The following THEMIS variants were observed in gnomAD, a reference collection of about 807,000 sequenced individuals.
The protein encoded by THEMIS is protein THEMIS.
Under a neutral mutation model 52.6 loss-of-function variants are expected in THEMIS, and 37 were observed. The ratio of observed to expected loss-of-function variants is 0.70; its 90% CI spans 0.54 to 0.93. THEMIS has a LOEUF of 0.93. THEMIS is among the 40% of genes least tolerant of loss of function. The probability of loss-of-function intolerance (pLI) is 0.00; values close to 1 mark genes in which losing one functional copy is unlikely to be tolerated. For synonymous variants in THEMIS, 292 were observed against 272.7 expected (o/e 1.07, Z -0.70); for missense variants, 808 against 763.1 (o/e 1.06, Z -0.69).
At chr6:127,725,450 C>CTG (rs1464344584) in intron 4 of THEMIS, among the ~76,000 whole-genome samples, 9 of 148,710 alleles carry the variant, frequency 6.1e-5, no homozygotes, top group African/African-American at 2.3e-4. Context: ...GTGTGTGTGT[C>CTG]TGTGTGTGTG....
At chr6:127,765,346 A>G (rs1259331989) in intron 4 of THEMIS, among the ~76,000 whole-genome samples, 8 of 152,116 alleles carry the variant, frequency 5.3e-5, no homozygotes, top group Non-Finnish European at 1.0e-4. Flanking sequence ...AGAGAGAACA[A>G]TAAAAGCCCA....
intron 2 of THEMIS, among the ~76,000 whole-genome samples, chr6:127,833,635 C>T (rs1778775309): frequency 6.6e-6 from 1 of 152,116 alleles, no homozygotes; most frequent in African/African-American, 2.4e-5. Context: ...ATCAGCCTTC[C>T]CCAGATGCCA....
chr6:127,778,825 A>G (rs908505465), intron 4 of THEMIS, among the ~76,000 whole-genome samples: 8 of 139,094 alleles, frequency 5.8e-5, no homozygotes, highest in Admixed American at 5.7e-4. Context: ...AAGTCACTCA[A>G]GTGGAATTTT....
At chr6:127,759,372 T>A (rs1163078954) in intron 4 of THEMIS, among the ~76,000 whole-genome samples, 1 of 152,176 alleles carries the variant, frequency 6.6e-6, no homozygotes, top group Admixed American at 6.5e-5. Context: ...TCTTCCCTAA[T>A]CACTGGACTC....
intron 5 of THEMIS, 68 bp from the exon 6 acceptor site, chr6:127,710,084 C>G: frequency 9.1e-7 from 1 of 1,102,582 alleles, no homozygotes; most frequent in South Asian, 1.5e-5. Flanking sequence ...AAACTGCCTG[C>G]TTTCAAATAC....
In THEMIS at chr6:127,854,962, G is replaced by T. The variant is rs1779567318; in HGVS notation, c.250+68C>A. The T allele has an allele frequency of 1.1e-5, 14 of 1,304,550 alleles. No homozygotes were observed. In the South Asian group the frequency reaches 2.4e-4, roughly 23 times the overall value. 80.8% of individuals were successfully genotyped at this position (1,304,550 alleles called of 1,614,324 possible). On this transcript the variant is annotated intron_variant, in intron 2 of 5. Coordinates refer to ENST00000368248, the MANE Select transcript of THEMIS (RefSeq NM_001010923.3). ...ACAGACCATTTTTTTCTTGTTTTTG[G>T]TTGTGTATATATACATATTAATAAC...
the THEMIS span, among the ~76,000 whole-genome samples, chr6:127,699,174 T>A: frequency 6.6e-6 from 1 of 151,892 alleles, no homozygotes. Context: ...GGAGGGGATG[T>A]CTTAAAAGTG....
At chr6:127,848,089 GC>G (rs1400871899) in intron 2 of THEMIS, among the ~76,000 whole-genome samples, 1 of 91,916 alleles carries the variant, frequency 1.1e-5, no homozygotes, top group African/African-American at 4.3e-5. Context: ...CCCACAACAG[GC>G]CCCGGTGTGT....
At chr6:127,903,557 G>GATACATTTTAAAATTAAATTTAA (rs1315413395), upstream of THEMIS, among the ~76,000 whole-genome samples, 16 of 151,844 alleles carry the variant, frequency 1.1e-4, no homozygotes, top group Non-Finnish European at 2.1e-4. Flanking sequence ...ATTAAAGTTA[G>GATACATTTTAAAATTAAATTTAA]ATACATTTTA....
At chr6:127,784,569 G>A (rs1239412245) in intron 4 of THEMIS, among the ~76,000 whole-genome samples, 4 of 151,978 alleles carry the variant, frequency 2.6e-5, no homozygotes, top group East Asian at 1.9e-4. Context: ...ATTCATACAC[G>A]ACACAAAGCA....
chr6:127,904,188 G>A (rs1473075089), upstream of THEMIS, among the ~76,000 whole-genome samples: 1 of 152,082 alleles, frequency 6.6e-6, no homozygotes, highest in African/African-American at 2.4e-5. Flanking sequence ...GGAAAAGTCA[G>A]AGAAAGGTAT....
intron 4 of THEMIS, among the ~76,000 whole-genome samples, chr6:127,763,444 G>A (rs1003138219): frequency 1.3e-5 from 2 of 151,908 alleles, no homozygotes; most frequent in Non-Finnish European, 2.9e-5. Flanking sequence ...TTTGAGACAG[G>A]TGTTTCTGCC....
chr6:127,716,192 CA>C (rs1774152923), intron 5 of THEMIS, among the ~76,000 whole-genome samples: 1 of 151,658 alleles, frequency 6.6e-6, no homozygotes, highest in African/African-American at 2.4e-5. Context: ...TTATGTAGGA[CA>C]AAAACAAATA....
At chr6:127,792,273 C>G (rs939336217) in intron 4 of THEMIS, among the ~76,000 whole-genome samples, 6 of 152,186 alleles carry the variant, frequency 3.9e-5, no homozygotes, top group Non-Finnish European at 8.8e-5. Flanking sequence ...AAAAGATACT[C>G]TTAAATAGCT....
At chr6:127,743,754 AATGCATC>A (rs1270324961) in intron 4 of THEMIS, among the ~76,000 whole-genome samples, 2 of 152,126 alleles carry the variant, frequency 1.3e-5, no homozygotes, top group Admixed American at 6.6e-5. Flanking sequence ...TGAGGTACAC[AATGCATC>A]ATAAATGCGA....
chr6:127,834,203 A>T (rs1034320906), intron 2 of THEMIS, among the ~76,000 whole-genome samples: 31 of 152,288 alleles, frequency 2.0e-4, no homozygotes, highest in African/African-American at 7.2e-4. Flanking sequence ...TAAGATGGTG[A>T]GGAAGTTTCT....
chr6:127,713,286 T>C (rs1379144820), intron 5 of THEMIS, among the ~76,000 whole-genome samples: 1 of 151,920 alleles, frequency 6.6e-6, no homozygotes, highest in Non-Finnish European at 1.5e-5. Flanking sequence ...GTGAGTATTG[T>C]ATCATGTTTC....
intron 4 of THEMIS, among the ~76,000 whole-genome samples, chr6:127,787,926 T>G (rs549354644): frequency 6.6e-6 from 1 of 152,084 alleles, no homozygotes; most frequent in East Asian, 1.9e-4. Context: ...GATAAATAGA[T>G]GCTCTTCTGG....
Position 127,883,883 on chromosome 6 carries a change from A to G in THEMIS, c.91+16959T>C, listed in dbSNP as rs374790203. ...TATGATATTTTCAGTTTACAGTTAC[A>G]GGACACAACACCATCACAAATTGAG... is the stretch of plus-strand genomic sequence containing the variant. On this transcript the variant is annotated intron_variant, in intron 1 of 5. Transcript: ENST00000368248. Among the ~76,000 whole-genome samples the G allele has an allele frequency of 3.3e-5, 5 of 152,146 alleles. No homozygotes were observed. The East Asian group carries it at 7.7e-4, about 23-fold the overall frequency.
Sources: gnomAD v4.1 joint callset for allele counts (sites outside exome capture counted in the v4.1 genomes callset) on GRCh38, gnomAD v4.1.1 for gene constraint, MANE v1.5 for transcripts, NCBI Gene and HGNC (gene_info 2026-07-23, HGNC 2026-07-21) for gene names.